The following YWHAQ variants were observed in gnomAD, a reference collection of about 807,000 sequenced individuals.
YWHAQ encodes tyrosine 3-monooxygenase/tryptophan 5-monooxygenase activation protein theta, also known as 14-3-3 protein theta.
Under a neutral mutation model 28.3 loss-of-function variants are expected in YWHAQ, and 6 were observed. The ratio of observed to expected loss-of-function variants is 0.21; its 90% CI spans 0.12 to 0.42. The LOEUF (loss-of-function observed/expected upper bound fraction) is 0.42. Among genes scored for constraint, YWHAQ ranks in the 10% least tolerant of loss-of-function variants. The pLI is 1.00. For synonymous variants in YWHAQ, 143 were observed against 119.1 expected (o/e 1.20, Z -1.31); for missense variants, 201 against 305.6 (o/e 0.66, Z 2.55).
chr2:9,585,910 CT>C (rs1159758050), intron 5 of YWHAQ, among the ~76,000 whole-genome samples: 16 of 86,448 alleles, frequency 1.9e-4, no homozygotes, highest in Admixed American at 2.1e-4. Context: ...GAGATCCTTT[CT>C]CAAAAAAAAA....
At chr2:9,613,758 A>G (rs772850479) in intron 2 of YWHAQ, among the ~76,000 whole-genome samples, 3 of 152,230 alleles carry the variant, frequency 2.0e-5, no homozygotes, top group Non-Finnish European at 2.9e-5. Context: ...GGAAAGGGAC[A>G]GCCTTTTTGT....
At chr2:9,618,179 A>G (rs963122530) in intron 2 of YWHAQ, among the ~76,000 whole-genome samples, 2 of 152,228 alleles carry the variant, frequency 1.3e-5, no homozygotes, top group Non-Finnish European at 2.9e-5. Flanking sequence ...ATTAATAATG[A>G]TGGCTGCACA....
chr2:9,593,976 AACACAC>A (rs371022884), intron 2 of YWHAQ, among the ~76,000 whole-genome samples: 2,648 of 145,810 alleles, frequency 0.018, 82 homozygotes, highest in African/African-American at 0.063. Context: ...AGGAAGTTAA[AACACAC>A]ACACACACAC....
chr2:9,607,312 T>C (rs1666850317), intron 2 of YWHAQ, among the ~76,000 whole-genome samples: 1 of 151,768 alleles, frequency 6.6e-6, no homozygotes, highest in South Asian at 2.1e-4. Flanking sequence ...GTGATTCTCC[T>C]GCCTCAGCCG....
At chr2:9,595,698 CAAAAAAA>C (rs34902007) in intron 2 of YWHAQ, among the ~76,000 whole-genome samples, 1 of 75,448 alleles carries the variant, frequency 1.3e-5, no homozygotes, top group Non-Finnish European at 2.7e-5. Context: ...AATTCCATCT[CAAAAAAA>C]AAAAAAAAAA....
rs533302233 is a variant in YWHAQ at position 9,604,845 on chromosome 2, G to A, written c.295-13330C>T. Among the ~76,000 whole-genome samples the A allele has an allele frequency of 2.3e-3, 346 of 152,180 alleles. 1 individual carries two copies. The highest frequency in any genetic ancestry group is 4.1e-3 in the Non-Finnish European group (281 of 68,000). On this transcript the variant is annotated intron_variant, in intron 2 of 5. Coordinates refer to ENST00000238081, the MANE Select transcript of YWHAQ (RefSeq NM_006826.4). ...TAATTCTGAAGCACTAAACCAAAAC[G>A]GCAAACTCTTAAGCAGATGAACTCA...
chr2:9,605,237 G>A (rs1233926292), intron 2 of YWHAQ, among the ~76,000 whole-genome samples: 2 of 149,940 alleles, frequency 1.3e-5, no homozygotes, highest in Non-Finnish European at 2.9e-5. Flanking sequence ...TTCTAGGCTC[G>A]AGTAATCCTC....
intron 3 of YWHAQ, among the ~76,000 whole-genome samples, chr2:9,590,931 T>A (rs530148810): frequency 6.6e-6 from 1 of 152,228 alleles, no homozygotes; most frequent in South Asian, 2.1e-4. Flanking sequence ...GTCAATGTTA[T>A]GACCCCTTAA....
intron 2 of YWHAQ, among the ~76,000 whole-genome samples, chr2:9,594,208 A>G (rs1313325919): frequency 1.3e-5 from 2 of 152,140 alleles, no homozygotes; most frequent in Non-Finnish European, 2.9e-5. Context: ...TGTAAAAACA[A>G]CAGACAAATC....
chr2:9,590,824 G>A (rs527803670), intron 3 of YWHAQ, among the ~76,000 whole-genome samples: 1 of 152,174 alleles, frequency 6.6e-6, no homozygotes, highest in East Asian at 1.9e-4. Flanking sequence ...CTAACCATGA[G>A]TCATTCAAAC....
intron 2 of YWHAQ, among the ~76,000 whole-genome samples, chr2:9,607,831 C>T (rs1451922129): frequency 6.6e-6 from 1 of 151,396 alleles, no homozygotes; most frequent in African/African-American, 2.4e-5. Flanking sequence ...CCTGCCTCAG[C>T]CTCCCAAGTA....
chr2:9,619,000 T>A (rs1043571886), intron 2 of YWHAQ, among the ~76,000 whole-genome samples: 1 of 152,160 alleles, frequency 6.6e-6, no homozygotes, highest in African/African-American at 2.4e-5. Context: ...AAAAGAGGAA[T>A]ACATCCTTCT....
intron 2 of YWHAQ, among the ~76,000 whole-genome samples, chr2:9,622,083 T>C (rs1667151863): frequency 6.6e-6 from 1 of 151,792 alleles, no homozygotes; most frequent in Non-Finnish European, 1.5e-5. Context: ...ATACCTAATG[T>C]AGATGACGGG....
intron 2 of YWHAQ, among the ~76,000 whole-genome samples, chr2:9,599,589 G>C (rs974423513): frequency 2.6e-5 from 4 of 152,062 alleles, no homozygotes; most frequent in African/African-American, 4.8e-5. Context: ...TCTACAAATG[G>C]AACAACCAAC....
intron 2 of YWHAQ, among the ~76,000 whole-genome samples, chr2:9,605,464 G>T (rs1666804817): frequency 6.6e-6 from 1 of 152,136 alleles, no homozygotes; most frequent in East Asian, 1.9e-4. Context: ...CTCCTTCAGG[G>T]AATACTTTTT....
intron 2 of YWHAQ, among the ~76,000 whole-genome samples, chr2:9,591,806 C>T (rs547279202): frequency 2.0e-4 from 31 of 152,226 alleles, no homozygotes; most frequent in Non-Finnish European, 3.8e-4. Flanking sequence ...CTCATCCATT[C>T]ATTCAACATT....
chr2:9,629,497 C>T (rs1308698309), intron 2 of YWHAQ, among the ~76,000 whole-genome samples: 2 of 152,144 alleles, frequency 1.3e-5, no homozygotes, highest in African/African-American at 4.8e-5. Flanking sequence ...ACACTGGAAA[C>T]GAATTCACTT....
At chr2:9,590,676 C>G (rs1350220962) in intron 3 of YWHAQ, among the ~76,000 whole-genome samples, 2 of 151,822 alleles carry the variant, frequency 1.3e-5, no homozygotes. Flanking sequence ...TTAGGCAATT[C>G]GGTCACTTTT....
chr2:9,587,143 T>A (rs1260917419), intron 5 of YWHAQ, among the ~76,000 whole-genome samples: 1 of 152,224 alleles, frequency 6.6e-6, no homozygotes, highest in Non-Finnish European at 1.5e-5. Flanking sequence ...AAGCTCTTTA[T>A]TAACATAATT....
Sources: allele counts gnomAD v4.1 joint callset (sites outside exome capture counted in the v4.1 genomes callset), GRCh38; gene constraint gnomAD v4.1.1; transcripts MANE v1.5; gene names NCBI Gene and HGNC (gene_info 2026-07-23, HGNC 2026-07-21).